BRAF: variants seen among roughly 807,000 people sequenced by gnomAD.
BRAF encodes the protein serine/threonine-protein kinase B-raf.
In BRAF, 16 loss-of-function variants were observed where a neutral mutation model predicts 104.6. The ratio of observed to expected loss-of-function variants is 0.15; its 90% CI spans 0.10 to 0.23. The LOEUF (loss-of-function observed/expected upper bound fraction) is 0.23, where lower values mean the gene tolerates loss of function less well. Among genes scored for constraint, BRAF ranks in the 10% least tolerant of loss-of-function variants. The pLI, the probability that BRAF is intolerant of heterozygous loss-of-function variation, is 1.00. For missense variants in BRAF, 541 were observed against 937.3 expected (o/e 0.58, Z 5.52); for synonymous variants, 310 against 341.6 (o/e 0.91, Z 1.02).
intron 5 of BRAF, among the ~76,000 whole-genome samples, chr7:140,805,043 A>T (rs1216285281): frequency 6.6e-6 from 1 of 151,886 alleles, no homozygotes; most frequent in Non-Finnish European, 1.5e-5. Flanking sequence ...GGCTCAAGTG[A>T]TCTGCCTGCC....
In BRAF at chr7:140,723,161, G is replaced by C. The variant is rs1795401427; in HGVS notation, c.*3333C>G. ...GATGAGGTTTGCAAGCAGCTGGCGG[G>C]TGGATGTACAGTGGGGACAGGTGAG... On this transcript the variant is annotated 3_prime_UTR_variant, in exon 20 of 20. Coordinates refer to ENST00000644969, the MANE Select transcript of BRAF (RefSeq NM_001374258.1). 3.8e-6 allele frequency: 4 copies of C among 1,053,308 alleles called. No homozygotes were observed. In the African/African-American group the frequency reaches 6.6e-5, roughly 17 times the overall value. The allele number at this position is 1,053,308 out of a possible 1,614,324, so 65.2% of individuals were successfully genotyped here. A position where few individuals can be genotyped will look rare whatever the true frequency, so the allele number is the denominator to read the frequency against.
intron 14 of BRAF, among the ~76,000 whole-genome samples, chr7:140,761,106 A>G (rs1798680642): frequency 6.6e-6 from 1 of 152,122 alleles, no homozygotes; most frequent in Non-Finnish European, 1.5e-5. Context: ...CCAAAGTTGA[A>G]AGAAGGAAAA....
chr7:140,877,282 T>C (rs1205050935), intron 1 of BRAF, among the ~76,000 whole-genome samples: 1 of 108,484 alleles, frequency 9.2e-6, no homozygotes, highest in Non-Finnish European at 1.7e-5. Flanking sequence ...TTTTTTAGTT[T>C]TTTTAAGAGA....
intron 1 of BRAF, among the ~76,000 whole-genome samples, chr7:140,905,400 T>G (rs1816192746): frequency 6.6e-6 from 1 of 152,254 alleles, no homozygotes; most frequent in Non-Finnish European, 1.5e-5. Flanking sequence ...GTGACTCTTC[T>G]GCCAATAATG....
At chr7:140,917,675 T>C (rs1019988155) in intron 1 of BRAF, among the ~76,000 whole-genome samples, 21 of 152,314 alleles carry the variant, frequency 1.4e-4, no homozygotes, top group Admixed American at 3.3e-4. Flanking sequence ...TACATCTTAC[T>C]TTGAGAACCT....
chr7:140,729,620 GA>G (rs560039588), intron 19 of BRAF, among the ~76,000 whole-genome samples: 38 of 145,926 alleles, frequency 2.6e-4, no homozygotes, highest in East Asian at 4.0e-4. Context: ...TTTCTACTGG[GA>G]AAAAAAAAAA....
At chr7:140,879,062 G>C (rs990132510) in intron 1 of BRAF, among the ~76,000 whole-genome samples, 2 of 151,528 alleles carry the variant, frequency 1.3e-5, no homozygotes, top group Admixed American at 1.3e-4. Context: ...ATTTTTAGTA[G>C]AGACGTGGTT....
At position 140,790,305 on chromosome 7, in the gene BRAF, T is replaced by C. The variant is rs192747453; in HGVS notation, c.1141-2721A>G. Among the ~76,000 whole-genome samples the C allele has an allele frequency of 1.6e-4, 24 of 152,308 alleles. No individual in the cohort carries two copies. In the East Asian group the frequency reaches 4.6e-3, roughly 29 times the overall value. On this transcript the variant is annotated intron_variant, in intron 8 of 19. Transcript: ENST00000644969. ...TAAACTTAGATTTTTAAATTCCGAA[T>C]GTGTTCTTAAAGCTCCTTGACAATC...
chr7:140,801,288 A>C, intron 6 of BRAF, 124 bp downstream of exon 6: 3 of 1,130,492 alleles, frequency 2.7e-6, no homozygotes, highest in Non-Finnish European at 3.8e-6. Context: ...ACACTTAAAA[A>C]AAATTCTCTA....
At chr7:140,825,047 T>C (rs938668490) in intron 3 of BRAF, among the ~76,000 whole-genome samples, 1 of 151,016 alleles carries the variant, frequency 6.6e-6, no homozygotes, top group South Asian at 2.1e-4. Flanking sequence ...CTCGGCTCAC[T>C]GCAACCTCTG....
Position 140,801,460 on chromosome 7 carries a change from C to T in BRAF, c.812G>A (p.Arg271His), listed in dbSNP as rs730880413. 2 of 1,613,920 alleles carry T rather than the reference C, an allele frequency of 1.2e-6. No individual in the cohort carries two copies. Among genetic ancestry groups the T allele is most frequent in the Non-Finnish European group, 8.5e-7 (1 of 1,179,912 alleles). ...CQTCGYKFHQ[R>H]CSTEVPLMCV... The stretch of plus-strand genomic sequence containing the variant: ...CATCAGTGGAACTTCTGTACTACAA[C>T]GCTGGTGAAATTTATAACCACATGT... The change falls in exon 6 of 20, where the codon CGT becomes CAT. Residue 271 changes from arginine to histidine, a missense_variant. Arg to His is a conservative substitution (Grantham distance 29). This residue lies in a region of BRAF where 19 missense variants were observed against 51.8 expected (regional missense o/e 0.37). Transcript: ENST00000644969.
intron 1 of BRAF, among the ~76,000 whole-genome samples, chr7:140,893,076 G>C (rs1814445753): frequency 1.3e-5 from 2 of 152,144 alleles, no homozygotes; most frequent in Non-Finnish European, 2.9e-5. Context: ...CTGACTGAAT[G>C]ATTGGCTTGG....
intron 17 of BRAF, among the ~76,000 whole-genome samples, chr7:140,744,834 T>C (rs190272693): frequency 7.9e-5 from 12 of 152,320 alleles, no homozygotes; most frequent in Admixed American, 6.5e-4. Context: ...TATATGCTAC[T>C]TTCATCAGTT....
At position 140,758,989 on chromosome 7, in the gene BRAF, T is replaced by C. The variant is rs531151721; in HGVS notation, c.1815-4756A>G. Among the ~76,000 whole-genome samples, 21 of 152,354 alleles carry C rather than the reference T, an allele frequency of 1.4e-4. No individual in the cohort carries two copies. The South Asian group carries it at 4.1e-3, about 30-fold the overall frequency. On this transcript the variant is annotated intron_variant, in intron 14 of 19. Coordinates refer to ENST00000644969, the MANE Select transcript of BRAF (RefSeq NM_001374258.1). Reference sequence around the variant, plus strand: ...TGACTTCTGTCACTACAGATTAATTTTGCCTTTTCTCAAATTTCATATAAA... The same window carrying C: ...TGACTTCTGTCACTACAGATTAATTCTGCCTTTTCTCAAATTTCATATAAA...
At chr7:140,798,551 C>T (rs1248788320) in intron 7 of BRAF, among the ~76,000 whole-genome samples, 10 of 147,754 alleles carry the variant, frequency 6.8e-5, no homozygotes, top group African/African-American at 1.0e-4. Flanking sequence ...TGAGCCACCG[C>T]GCCCGGCCTT....
At chr7:140,915,624 C>T (rs1232095890) in intron 1 of BRAF, among the ~76,000 whole-genome samples, 6 of 151,786 alleles carry the variant, frequency 4.0e-5, no homozygotes, top group South Asian at 2.1e-4. Flanking sequence ...TTAGTAGAGA[C>T]GGAGTGTCTC....
At chr7:140,727,385 T>C (rs1014222899) in intron 19 of BRAF, among the ~76,000 whole-genome samples, 5 of 152,068 alleles carry the variant, frequency 3.3e-5, no homozygotes, top group Admixed American at 1.3e-4. Context: ...GGTTTCACCA[T>C]GTTGGCCAGA....
intron 18 of BRAF, among the ~76,000 whole-genome samples, chr7:140,739,432 G>A (rs1164147942): frequency 6.7e-6 from 1 of 148,784 alleles, no homozygotes; most frequent in African/African-American, 2.5e-5. Flanking sequence ...TAACATATTG[G>A]TTTACTATGT....
At chr7:140,872,362 AT>A (rs1322724360) in intron 1 of BRAF, among the ~76,000 whole-genome samples, 1 of 152,234 alleles carries the variant, frequency 6.6e-6, no homozygotes, top group East Asian at 1.9e-4. Context: ...TAAAAAAAAA[AT>A]ATGAAGTAAA....
Sources: gnomAD v4.1 joint callset for allele counts (sites outside exome capture counted in the v4.1 genomes callset) on GRCh38, gnomAD v4.1.1 for gene constraint, gnomAD v4.1.1 regional missense constraint, MANE v1.5 for transcripts, NCBI Gene and HGNC (gene_info 2026-07-23, HGNC 2026-07-21) for gene names.